EMB: variants seen among roughly 807,000 people sequenced by gnomAD.
EMB encodes embigin.
In EMB, 31 loss-of-function variants were observed where a neutral mutation model predicts 41.4. The observed-to-expected ratio is 0.75, with a 90% CI of 0.56 to 1.01. The LOEUF (loss-of-function observed/expected upper bound fraction) is 1.01, where lower values mean the gene tolerates loss of function less well. EMB is among the 50% of genes least tolerant of loss of function. The pLI is 0.00. For synonymous variants in EMB, 137 were observed against 140.4 expected, an observed-to-expected ratio of 0.98 and a Z score of 0.17; for missense variants, 379 against 388.3, an observed-to-expected ratio of 0.98 and a Z score of 0.20.
chr5:50,413,584 C>CT (rs796506447), intron 2 of EMB, among the ~76,000 whole-genome samples: 2,189 of 142,404 alleles, frequency 0.015, 31 homozygotes, highest in Middle Eastern at 0.06. Context: ...TTCTTTCTTT[C>CT]TTTTTTTTTT....
upstream of EMB, among the ~76,000 whole-genome samples, chr5:50,442,093 A>T (rs1278762263): frequency 5.3e-5 from 8 of 152,206 alleles, no homozygotes; most frequent in Non-Finnish European, 1.0e-4. Flanking sequence ...TCTCTCCAGG[A>T]TGTTATAACG....
At chr5:50,423,432 T>C (rs959952353) in intron 2 of EMB, among the ~76,000 whole-genome samples, 1 of 152,222 alleles carries the variant, frequency 6.6e-6, no homozygotes, top group East Asian at 1.9e-4. Context: ...ACCTGCTTTG[T>C]CTTTTTAAAA....
intron 1 of EMB, chr5:50,428,711 G>T: frequency 1.0e-6 from 1 of 985,286 alleles, no homozygotes; most frequent in South Asian, 4.7e-5. Flanking sequence ...GCCAGTTTGG[G>T]TTGCTATTTG....
chr5:50,426,493 T>G (rs1378911346), intron 2 of EMB, among the ~76,000 whole-genome samples: 8 of 152,192 alleles, frequency 5.3e-5, no homozygotes, highest in Non-Finnish European at 8.8e-5. Context: ...TGTTTTCCAG[T>G]CTCGAGAATC....
intron 1 of EMB, among the ~76,000 whole-genome samples, chr5:50,429,145 C>T (rs879896923): frequency 4.6e-5 from 7 of 152,202 alleles, no homozygotes; most frequent in Non-Finnish European, 1.0e-4. Context: ...CCGCCCGCCT[C>T]GGCCTCCCGA....
intron 2 of EMB, among the ~76,000 whole-genome samples, chr5:50,418,578 T>C (rs1745465912): frequency 6.6e-6 from 1 of 152,234 alleles, no homozygotes; most frequent in Non-Finnish European, 1.5e-5. Flanking sequence ...ATTCTTTCAC[T>C]CACTCATTTA....
chr5:50,422,531 C>A (rs1745541575), intron 2 of EMB, among the ~76,000 whole-genome samples: 1 of 152,162 alleles, frequency 6.6e-6, no homozygotes, highest in Non-Finnish European at 1.5e-5. Context: ...GAGAACTATT[C>A]AGTTAAGAAA....
At chr5:50,399,776 T>TA (rs1353034858) in intron 8 of EMB, 83 bp downstream of exon 8, 41 of 1,122,556 alleles carry the variant, frequency 3.7e-5, no homozygotes, top group East Asian at 2.2e-4. Context: ...TTTATGGAAC[T>TA]AAAAAAAAGT....
intron 1 of EMB, among the ~76,000 whole-genome samples, chr5:50,438,939 A>G (rs928422635): frequency 1.4e-5 from 2 of 146,304 alleles, no homozygotes; most frequent in East Asian, 2.0e-4. Flanking sequence ...TCTTCTCTGC[A>G]TATCAACTTA....
intron 7 of EMB, among the ~76,000 whole-genome samples, chr5:50,400,270 T>C (rs928393411): frequency 1.3e-5 from 2 of 152,040 alleles, no homozygotes; most frequent in Non-Finnish European, 2.9e-5. Context: ...ATTGGTGCTA[T>C]ACATTTGTAT....
chr5:50,422,306 T>C (rs1188782174), intron 2 of EMB, among the ~76,000 whole-genome samples: 2 of 152,186 alleles, frequency 1.3e-5, no homozygotes, highest in Non-Finnish European at 2.9e-5. Context: ...TATCAGAGTA[T>C]AACAAGCTTA....
chr5:50,427,839 A>G (rs1393463615), intron 2 of EMB, among the ~76,000 whole-genome samples: 2 of 152,230 alleles, frequency 1.3e-5, no homozygotes, highest in Non-Finnish European at 1.5e-5. Flanking sequence ...TAATGGATGT[A>G]CCAGCAAGAA....
rs558075935 is a variant in EMB, at chr5:50,411,218, C to T, written c.362G>A (p.Ser121Asn). 1.1e-4 allele frequency: 172 copies of T among 1,611,750 alleles called. No homozygotes were observed. The highest frequency in any genetic ancestry group is 1.4e-4 in the Non-Finnish European group (166 of 1,178,718). ...ENNYLVSATG[S>N]TLYTQYRFTI... ...TCACCTGTATTGGGTATACAAGGTG[C>T]TTCCTGTTGCACTGACAAGATAATT... is the stretch of plus-strand genomic sequence containing the variant. Residue 121 changes from serine (S) to asparagine (N), a missense_variant, in exon 3 of 9, where the codon AGC becomes AAC. Physicochemically the swap from Ser to Asn is conservative, Grantham distance 46. Transcript: ENST00000303221.
chr5:50,440,293 G>A (rs1745877416), intron 1 of EMB, among the ~76,000 whole-genome samples: 1 of 152,064 alleles, frequency 6.6e-6, no homozygotes, highest in African/African-American at 2.4e-5. Context: ...CAGCACTTTG[G>A]GAGGCCGAAG....
intron 1 of EMB, 159 bp from the exon 2 acceptor site, chr5:50,428,386 A>C (rs1392212474): frequency 8.4e-7 from 1 of 1,192,336 alleles, no homozygotes; most frequent in Non-Finnish European, 1.1e-6. Context: ...ATTTAGAGAT[A>C]TATTAGGCTA....
At chr5:50,435,464 T>G (rs1331715027) in intron 1 of EMB, among the ~76,000 whole-genome samples, 1 of 152,236 alleles carries the variant, frequency 6.6e-6, no homozygotes, top group Non-Finnish European at 1.5e-5. Context: ...ACTCTGGACC[T>G]GTGACAGTCT....
intron 5 of EMB, among the ~76,000 whole-genome samples, chr5:50,405,363 A>G (rs1745230276): frequency 6.6e-6 from 1 of 151,838 alleles, no homozygotes. Flanking sequence ...CATTTTTTCT[A>G]GTTACTTTCA....
rs1745075258 is a variant in EMB at position 50,396,893 on chromosome 5, T to A, written c.*2380A>T. ...AGCAGGGATTCATGACCCATAAGTA[T>A]TAATTAATACAGAAGAAGAAAATAT... is the stretch of plus-strand genomic sequence containing the variant. On this transcript the variant is annotated 3_prime_UTR_variant, in exon 9 of 9. Transcript: ENST00000303221. 1 of 152,052 alleles carries A rather than the reference T, an allele frequency of 6.6e-6. No homozygotes were observed. The highest frequency in any genetic ancestry group is 6.6e-5 in the Admixed American group (1 of 15,234). The allele number at this position is 152,052 out of a possible 1,614,324, so 9.4% of individuals were successfully genotyped here.
intron 1 of EMB, among the ~76,000 whole-genome samples, chr5:50,437,968 A>G (rs1340415122): frequency 6.6e-6 from 1 of 152,210 alleles, no homozygotes; most frequent in African/African-American, 2.4e-5. Context: ...TTATTTAATC[A>G]AAAAACCTTA....
Sources: gnomAD v4.1 joint callset for allele counts (sites outside exome capture counted in the v4.1 genomes callset) on GRCh38, gnomAD v4.1.1 for gene constraint, MANE v1.5 for transcripts, NCBI Gene and HGNC (gene_info 2026-07-23, HGNC 2026-07-21) for gene names.